DACH2: variants seen among roughly 807,000 people sequenced by gnomAD.
The protein encoded by DACH2 is dachshund homolog 2.
Under a neutral mutation model 35.8 loss-of-function variants are expected in DACH2, and 17 were observed. The ratio of observed to expected loss-of-function variants is 0.48; its 90% CI spans 0.33 to 0.71. DACH2 has a LOEUF of 0.71. DACH2 is among the 30% of genes least tolerant of loss of function. The probability of loss-of-function intolerance (pLI) is 0.02; values close to 1 mark genes in which losing one functional copy is unlikely to be tolerated. For missense variants in DACH2, 469 were observed against 472.7 expected, an observed-to-expected ratio of 0.99 and a Z score of 0.07; for synonymous variants, 195 against 177.3, an observed-to-expected ratio of 1.10 and a Z score of -0.79.
At chrX:86,437,225 G>A (rs1421816375) in intron 2 of DACH2, among the ~76,000 whole-genome samples, 3 of 111,278 alleles carry the variant, frequency 2.7e-5, no homozygotes, top group African/African-American at 9.8e-5. Context: ...TGCATAGAAG[G>A]TGTAATGATC....
chrX:86,572,585 C>T (rs5967742), intron 3 of DACH2, among the ~76,000 whole-genome samples: 46,634 of 110,279 alleles, frequency 0.42, 9,224 homozygotes, highest in African/African-American at 0.78. Context: ...ATAGAAATAG[C>T]GAGAATACAC....
rs1232719385 is a variant in DACH2, at chrX:86,556,795, T to TATATATAG, written c.640+42405_640+42406insTATATAGA. On this transcript the variant is annotated intron_variant, in intron 3 of 11. Coordinates refer to ENST00000373125, the MANE Select transcript of DACH2 (RefSeq NM_053281.3). ...ATATATATATATATATATATATATA[T>TATATATAG]AGAGAGAGAGAGAGAGAGAGAGAGA... is the stretch of plus-strand genomic sequence containing the variant. 2.3e-3 allele frequency among the ~76,000 whole-genome samples: 57 copies of TATATATAG among 25,262 alleles called. 1 individual carries two copies. The highest frequency in any genetic ancestry group is 4.0e-3 in the South Asian group (1 of 248). 21.9% of individuals were successfully genotyped at this position (25,262 alleles called of 115,157 possible). A position where few individuals can be genotyped will look rare whatever the true frequency, so the allele number is the denominator to read the frequency against.
chrX:86,620,862 T>C (rs1003357816), intron 3 of DACH2, among the ~76,000 whole-genome samples: 2 of 110,643 alleles, frequency 1.8e-5, no homozygotes, highest in African/African-American at 6.6e-5. Flanking sequence ...GACAAGTAGA[T>C]TCGAGAGGAT....
At chrX:86,614,808 G>C (rs746934027) in intron 3 of DACH2, among the ~76,000 whole-genome samples, 2 of 111,513 alleles carry the variant, frequency 1.8e-5, no homozygotes, top group East Asian at 5.7e-4. Flanking sequence ...AAGGTGAGCT[G>C]TACCTAGCAG....
chrX:86,822,181 A>G (rs1439406066), intron 11 of DACH2, among the ~76,000 whole-genome samples: 1 of 112,280 alleles, frequency 8.9e-6, no homozygotes, highest in African/African-American at 3.2e-5. Flanking sequence ...TTGTGTTTTA[A>G]TAAATAAAAC....
chrX:86,636,416 G>A (rs2040266428), intron 3 of DACH2, among the ~76,000 whole-genome samples: 1 of 111,145 alleles, frequency 9.0e-6, no homozygotes, highest in African/African-American at 3.3e-5. Flanking sequence ...CCATTGCATT[G>A]CAGCCTGGGC....
chrX:86,219,028 A>G (rs2032641680), intron 1 of DACH2, among the ~76,000 whole-genome samples: 3 of 112,173 alleles, frequency 2.7e-5, no homozygotes, highest in African/African-American at 9.7e-5. Context: ...CCATTTTTAT[A>G]GCTTTTCTTT....
chrX:86,744,764 C>A (rs952709492), intron 7 of DACH2, among the ~76,000 whole-genome samples: 1 of 111,555 alleles, frequency 9.0e-6, no homozygotes, highest in African/African-American at 3.3e-5. Flanking sequence ...ATAAACTGAT[C>A]AGTCAAATAA....
chrX:86,375,336 A>G (rs1258644436), intron 1 of DACH2, among the ~76,000 whole-genome samples: 1 of 102,045 alleles, frequency 9.8e-6, no homozygotes, highest in Admixed American at 1.1e-4. Flanking sequence ...AATTATATAT[A>G]TATTTATATA....
chrX:86,673,865 C>T (rs910482392), intron 4 of DACH2, among the ~76,000 whole-genome samples: 6 of 111,616 alleles, frequency 5.4e-5, no homozygotes, highest in South Asian at 3.8e-4. Context: ...CCTCCCCCTT[C>T]GCTCTCTTCC....
chrX:86,603,392 C>A (rs1476882658), intron 3 of DACH2, among the ~76,000 whole-genome samples: 2 of 110,376 alleles, frequency 1.8e-5, no homozygotes, highest in African/African-American at 6.6e-5. Flanking sequence ...CTTTGCCCTC[C>A]CCCAGTTCAT....
intron 2 of DACH2, among the ~76,000 whole-genome samples, chrX:86,452,186 A>T (rs1235842720): frequency 1.8e-5 from 2 of 111,635 alleles, no homozygotes; most frequent in African/African-American, 6.5e-5. Context: ...CTACTTGATT[A>T]TGGTGGATAA....
chrX:86,760,533 C>T (rs1348151298), intron 7 of DACH2, among the ~76,000 whole-genome samples: 3 of 111,366 alleles, frequency 2.7e-5, no homozygotes, highest in Admixed American at 9.6e-5. Context: ...ATGAATTATT[C>T]AGTTCCAAAA....
At chrX:86,569,563 T>G (rs1001653325) in intron 3 of DACH2, among the ~76,000 whole-genome samples, 1 of 111,313 alleles carries the variant, frequency 9.0e-6, no homozygotes, top group South Asian at 3.8e-4. Flanking sequence ...AAATGCGACT[T>G]AAACTCGGCA....
chrX:86,676,861 A>G (rs1336119902), intron 4 of DACH2, among the ~76,000 whole-genome samples: 1 of 111,448 alleles, frequency 9.0e-6, no homozygotes, highest in African/African-American at 3.3e-5. Flanking sequence ...ATTCCTTTTC[A>G]TAGAGTGGGC....
At chrX:86,266,091 GA>G (rs1172954780) in intron 1 of DACH2, among the ~76,000 whole-genome samples, 2 of 111,028 alleles carry the variant, frequency 1.8e-5, no homozygotes, top group South Asian at 3.8e-4. Context: ...TGAATTTAGA[GA>G]AAAAACAGTG....
At chrX:86,698,861 A>C (rs763681301) in intron 5 of DACH2, among the ~76,000 whole-genome samples, 1 of 110,649 alleles carries the variant, frequency 9.0e-6, no homozygotes, top group South Asian at 3.8e-4. Context: ...TTAATCTAAC[A>C]CATAATGGTC....
At chrX:86,389,565 G>A (rs2036169629) in intron 2 of DACH2, among the ~76,000 whole-genome samples, 1 of 112,042 alleles carries the variant, frequency 8.9e-6, no homozygotes, top group Non-Finnish European at 1.9e-5. Flanking sequence ...TTAGCAAATG[G>A]CTTGCGTTTG....
chrX:86,744,080 T>C (rs2041685857), intron 7 of DACH2, among the ~76,000 whole-genome samples: 1 of 111,473 alleles, frequency 9.0e-6, no homozygotes, highest in Non-Finnish European at 1.9e-5. Flanking sequence ...AAGTATACAC[T>C]ATTGTGTCTT....
Sources: gnomAD v4.1 joint callset for allele counts (sites outside exome capture counted in the v4.1 genomes callset) on GRCh38, gnomAD v4.1.1 for gene constraint, MANE v1.5 for transcripts, NCBI Gene and HGNC (gene_info 2026-07-23, HGNC 2026-07-21) for gene names.